The following NSL1 variants were observed in gnomAD, a reference collection of about 807,000 sequenced individuals.
The protein encoded by NSL1 is kinetochore-associated protein NSL1 homolog.
In NSL1, 11 loss-of-function variants were observed where a neutral mutation model predicts 25.4. The ratio of observed to expected loss-of-function variants is 0.43; its 90% CI spans 0.27 to 0.72. The LOEUF is 0.72. Ranked by LOEUF, NSL1 falls within the 30% of genes least tolerant of loss-of-function variation. The pLI, the probability that NSL1 is intolerant of heterozygous loss-of-function variation, is 0.19. For synonymous variants in NSL1, 118 were observed against 120.6 expected, an observed-to-expected ratio of 0.98 and a Z score of 0.14; for missense variants, 330 against 342.7, an observed-to-expected ratio of 0.96 and a Z score of 0.29.
chr1:212,730,237 CAAAAAAAAAAAAA>C lies in NSL1; in HGVS notation c.*8158_*8170del, dbSNP rs532313864. 62 of 603,930 alleles carry C rather than the reference CAAAAAAAAAAAAA, an allele frequency of 1.0e-4. No homozygotes were observed. The African/African-American group carries it at 1.3e-3, about 13-fold the overall frequency. 37.4% of individuals were successfully genotyped at this position (603,930 alleles called of 1,614,324 possible). ...TACACTCCAGCCTGGGTGACAGTCTCAAAAAAAAAAAAAAAAAAAAAAAAAAAAGAAATGCGCC... is the reference window on the plus strand; with the variant it reads ...TACACTCCAGCCTGGGTGACAGTCTCAAAAAAAAAAAAAAAGAAATGCGCC... On this transcript the variant is annotated 3_prime_UTR_variant, in exon 6 of 6. Transcript: ENST00000366977.
chr1:212,745,156 C>G (rs1379223900), intron 4 of NSL1, among the ~76,000 whole-genome samples: 7 of 92,248 alleles, frequency 7.6e-5, no homozygotes, highest in Non-Finnish European at 1.6e-4. Flanking sequence ...AACAAACAAA[C>G]AAACTATATA....
intron 4 of NSL1, among the ~76,000 whole-genome samples, chr1:212,768,471 A>G (rs1659941857): frequency 6.6e-6 from 1 of 152,224 alleles, no homozygotes; most frequent in Non-Finnish European, 1.5e-5. Context: ...AGCAACTGCA[A>G]AAATATGGAA....
At chr1:212,775,091 T>C (rs1660300923) in intron 4 of NSL1, among the ~76,000 whole-genome samples, 1 of 152,210 alleles carries the variant, frequency 6.6e-6, no homozygotes, top group Non-Finnish European at 1.5e-5. Flanking sequence ...TGATACATAC[T>C]ACAACATAAA....
chr1:212,754,785 A>AAAAAAAAAAAAAAAAAAAAAC (rs1553252344), intron 4 of NSL1, among the ~76,000 whole-genome samples: 1 of 149,498 alleles, frequency 6.7e-6, no homozygotes, highest in African/African-American at 2.5e-5. Context: ...AAAAAAAAAA[A>AAAAAAAAAAAAAAAAAAAAAC]CCAACTCAAA....
chr1:212,774,677 T>C (rs952709027), intron 4 of NSL1, among the ~76,000 whole-genome samples: 4 of 152,162 alleles, frequency 2.6e-5, no homozygotes, highest in Admixed American at 1.3e-4. Flanking sequence ...GAGCAGACAG[T>C]AACAAGAGTT....
At chr1:212,776,733 AACAAC>A (rs1196891793) in intron 4 of NSL1, among the ~76,000 whole-genome samples, 21 of 149,912 alleles carry the variant, frequency 1.4e-4, no homozygotes, top group Non-Finnish European at 1.9e-4. Flanking sequence ...CAACAACAAC[AACAAC>A]AAAAAAAACC....
At chr1:212,787,413 A>G (rs1348391084) in intron 2 of NSL1, 146 bp downstream of exon 2, 4 of 542,040 alleles carry the variant, frequency 7.4e-6, no homozygotes, top group Non-Finnish European at 1.3e-5. Context: ...TATTGAAGTC[A>G]TAATCTCAGT....
In NSL1 at chr1:212,764,657, A is replaced by T. The variant is rs140434267; in HGVS notation, c.499+17715T>A. ...GGTCAGGAGTTTGTGACCAGCCTGGACAACATGGTGAAACCCTCTCTCTAC... is the reference window on the plus strand; with the variant it reads ...GGTCAGGAGTTTGTGACCAGCCTGGTCAACATGGTGAAACCCTCTCTCTAC... On this transcript the variant is annotated intron_variant, in intron 4 of 5. Transcript: ENST00000366977. Among the ~76,000 whole-genome samples, 432 of 151,766 alleles carry T rather than the reference A, an allele frequency of 2.8e-3. 2 individuals carry two copies. The highest frequency in any genetic ancestry group is 4.1e-3 in the Non-Finnish European group (278 of 67,864).
At position 212,729,337 on chromosome 1, in the gene NSL1, T is replaced by C. The variant is rs1657913875; in HGVS notation, c.*9071A>G. On this transcript the variant is annotated 3_prime_UTR_variant, in exon 6 of 6. Coordinates refer to ENST00000366977, the MANE Select transcript of NSL1 (RefSeq NM_015471.4). ...CTCCCCTAACTGACGGCAAATTGCT[T>C]GTGGGCAGGGTCTGTGCCTTGGTTT... is the stretch of plus-strand genomic sequence containing the variant. The C allele has an allele frequency of 2.0e-6, 2 of 982,902 alleles. No individual in the cohort carries two copies. Among genetic ancestry groups the C allele is most frequent in the South Asian group, 4.7e-5 (1 of 21,252 alleles). 60.9% of individuals were successfully genotyped at this position (982,902 alleles called of 1,614,324 possible).
At position 212,760,696 on chromosome 1, in the gene NSL1, G is replaced by A. The variant is rs914637887; in HGVS notation, c.500-21095C>T. Among the ~76,000 whole-genome samples the A allele has an allele frequency of 2.6e-5, 4 of 151,996 alleles. No individual in the cohort carries two copies. The highest frequency in any genetic ancestry group is 7.3e-5 in the African/African-American group (3 of 41,370). On this transcript the variant is annotated intron_variant, in intron 4 of 5. Transcript: ENST00000366977. The surrounding 1 kb of genome is among the most constrained non-coding windows in gnomAD (Gnocchi z 4.3). The stretch of plus-strand genomic sequence containing the variant: ...CTGCTACTGCCATCACCAACACCAC[G>A]CATACTGCCCAGGGACTCATGAAAC...
In NSL1 at chr1:212,735,829, C is replaced by G. The variant is rs1188726388; in HGVS notation, c.*2579G>C. The G allele has an allele frequency of 1.9e-6, 1 of 517,246 alleles. No individual in the cohort carries two copies. Among genetic ancestry groups the G allele is most frequent in the Admixed American group, 6.4e-5 (1 of 15,718 alleles). 32.0% of individuals were successfully genotyped at this position (517,246 alleles called of 1,614,324 possible). A position where few individuals can be genotyped will look rare whatever the true frequency, so the allele number is the denominator to read the frequency against. On this transcript the variant is annotated 3_prime_UTR_variant, in exon 6 of 6. Transcript: ENST00000366977. ...TCATCTACAAGTCGGGAAGACAGCC[C>G]TCACCAGAAACTGCATTTGCCAGCA...
At chr1:212,778,697 A>C (rs1381995940) in intron 4 of NSL1, among the ~76,000 whole-genome samples, 1 of 152,016 alleles carries the variant, frequency 6.6e-6, no homozygotes, top group Admixed American at 6.6e-5. Flanking sequence ...TCGTTCACTC[A>C]GTGCTCAATG....
In NSL1 at chr1:212,734,259, C is replaced by T. The variant is rs1233796425; in HGVS notation, c.*4149G>A. Among the ~76,000 whole-genome samples the T allele has an allele frequency of 1.3e-5, 2 of 152,064 alleles. No individual in the cohort carries two copies. The highest frequency in any genetic ancestry group is 4.8e-5 in the African/African-American group (2 of 41,390). ...ATTCACTCAGTTAACCACTATGCAT[C>T]GAGGGCCCATCATGTGCCAGCAATT... On this transcript the variant is annotated 3_prime_UTR_variant, in exon 6 of 6. Coordinates refer to ENST00000366977, the MANE Select transcript of NSL1 (RefSeq NM_015471.4).
chr1:212,758,346 T>G (rs959936059), intron 4 of NSL1, among the ~76,000 whole-genome samples: 5 of 152,196 alleles, frequency 3.3e-5, no homozygotes, highest in African/African-American at 9.7e-5. Context: ...GCATCCAGAT[T>G]AGAAAGAAAA....
chr1:212,728,587 G>A lies in NSL1; in HGVS notation c.*9821C>T, dbSNP rs1657881101. The A allele has an allele frequency of 6.0e-5, 59 of 985,332 alleles. No individual in the cohort carries two copies. The highest frequency in any genetic ancestry group is 7.1e-5 in the Non-Finnish European group (59 of 829,942). The allele number at this position is 985,332 out of a possible 1,614,324, so 61.0% of individuals were successfully genotyped here. On this transcript the variant is annotated 3_prime_UTR_variant, in exon 6 of 6. Coordinates refer to ENST00000366977, the MANE Select transcript of NSL1 (RefSeq NM_015471.4). Reference sequence around the variant, plus strand: ...CAGAGGGATAGAAATGAGAAAAGGAGTTTTATGTTAGGAAAAAAATGGTTT... The same window carrying A: ...CAGAGGGATAGAAATGAGAAAAGGAATTTTATGTTAGGAAAAAAATGGTTT...
At chr1:212,748,079 A>C (rs1443556751) in intron 4 of NSL1, among the ~76,000 whole-genome samples, 1 of 152,150 alleles carries the variant, frequency 6.6e-6, no homozygotes, top group Non-Finnish European at 1.5e-5. Flanking sequence ...CTTTCAAATA[A>C]TATATGATTG....
In NSL1 at chr1:212,738,244, A is replaced by G. The variant is rs192744738; in HGVS notation, c.*164T>C. The stretch of plus-strand genomic sequence containing the variant: ...ATAGATAAAACAGTAAGGAAATACA[A>G]TATTATATCATATCCCCGCACAGAG... On this transcript the variant is annotated 3_prime_UTR_variant, in exon 6 of 6. Transcript: ENST00000366977. 72 of 1,389,046 alleles carry G rather than the reference A, an allele frequency of 5.2e-5. 1 individual carries two copies. In the African/African-American group the frequency reaches 8.5e-4, roughly 16 times the overall value. The allele number at this position is 1,389,046 out of a possible 1,614,324, so 86.0% of individuals were successfully genotyped here.
At position 212,760,476 on chromosome 1, in the gene NSL1, C is replaced by T. The variant is rs1659511160; in HGVS notation, c.500-20875G>A. ...ACCGTTTGAGGTCCTGAGGTTCACC[C>T]CACTGGCCACTACTGCCGGCATCCA... On this transcript the variant is annotated intron_variant, in intron 4 of 5. Transcript: ENST00000366977. The surrounding 1 kb of genome is among the most constrained non-coding windows in gnomAD (Gnocchi z 4.3). 6.6e-6 allele frequency among the ~76,000 whole-genome samples: 1 copy of T among 152,076 alleles called. No individual in the cohort carries two copies. The highest frequency in any genetic ancestry group is 6.6e-5 in the Admixed American group (1 of 15,266).
Position 212,777,642 on chromosome 1 carries a change from G to A in NSL1, c.499+4730C>T, listed in dbSNP as rs192215344. ...TAAATTAAGTATAAAAACATGAATAGCAAGGATTTACACAGCTTGAGGATC... is the reference window on the plus strand; with the variant it reads ...TAAATTAAGTATAAAAACATGAATAACAAGGATTTACACAGCTTGAGGATC... On this transcript the variant is annotated intron_variant, in intron 4 of 5. Coordinates refer to ENST00000366977, the MANE Select transcript of NSL1 (RefSeq NM_015471.4). Among the ~76,000 whole-genome samples, 152 of 152,230 alleles carry A rather than the reference G, an allele frequency of 1.0e-3. 1 individual carries two copies. The highest frequency in any genetic ancestry group is 9.9e-3 in the South Asian group (48 of 4,826).
Sources: allele counts gnomAD v4.1 joint callset (sites outside exome capture counted in the v4.1 genomes callset), GRCh38; gene constraint gnomAD v4.1.1; non-coding constraint Gnocchi (gnomAD v3.1); transcripts MANE v1.5; gene names NCBI Gene and HGNC (gene_info 2026-07-23, HGNC 2026-07-21).